The following XPR1 variants were observed in gnomAD, a reference collection of about 807,000 sequenced individuals.
XPR1 encodes the protein solute carrier family 53 member 1.
In XPR1, 28 loss-of-function variants were observed where a neutral mutation model predicts 87.5. That is an observed-to-expected ratio of 0.32 (90% CI 0.24 to 0.44). XPR1 has a LOEUF of 0.44. Among genes scored for constraint, XPR1 ranks in the 20% least tolerant of loss-of-function variants. XPR1 has a pLI of 1.00. For missense variants in XPR1, 559 were observed against 862.3 expected (o/e 0.65, Z 4.41); for synonymous variants, 300 against 306.1 (o/e 0.98, Z 0.21).
At chr1:180,686,553 G>A (rs1418427755) in intron 2 of XPR1, among the ~76,000 whole-genome samples, 2 of 152,082 alleles carry the variant, frequency 1.3e-5, no homozygotes, top group East Asian at 3.9e-4. Context: ...TTAGCTTTCT[G>A]TCTCGTTGAT....
At position 180,856,868 on chromosome 1, in the gene XPR1, C is replaced by A. The variant is rs74571655; in HGVS notation, c.1502-6840C>A. 3.7e-3 allele frequency among the ~76,000 whole-genome samples: 568 copies of A among 152,298 alleles called. 10 individuals carry two copies. Among genetic ancestry groups the A allele is most frequent in the Admixed American group, 0.024 (367 of 15,300 alleles). On this transcript the variant is annotated intron_variant, in intron 11 of 14. Coordinates refer to ENST00000367590, the MANE Select transcript of XPR1 (RefSeq NM_004736.4). ...CTCAAACTCATCTCCCCAAAGATAC[C>A]TAGAGCTGCACTGTTGCATAATTTA...
chr1:180,691,735 A>G (rs1656999403), intron 2 of XPR1, among the ~76,000 whole-genome samples: 2 of 152,246 alleles, frequency 1.3e-5, no homozygotes, highest in Admixed American at 1.3e-4. Context: ...TCTTAGTGAC[A>G]TTGAAGATGA....
chr1:180,743,546 A>ATT (rs1318311996), intron 2 of XPR1, among the ~76,000 whole-genome samples: 1 of 152,130 alleles, frequency 6.6e-6, no homozygotes, highest in Non-Finnish European at 1.5e-5. Context: ...AGAATAGTTC[A>ATT]TTATATATAT....
chr1:180,785,031 G>GTGTA (rs1649087319), intron 2 of XPR1, among the ~76,000 whole-genome samples: 1 of 150,792 alleles, frequency 6.6e-6, no homozygotes, highest in South Asian at 2.1e-4. Context: ...GTGTGTGTGT[G>GTGTA]TGTGTGTGTG....
Position 180,841,468 on chromosome 1 carries a change from G to C in XPR1, c.1501+4752G>C, listed in dbSNP as rs557286747. Among the ~76,000 whole-genome samples, 5 of 152,030 alleles carry C rather than the reference G, an allele frequency of 3.3e-5. No homozygotes were observed. The South Asian group carries it at 8.3e-4, about 25-fold the overall frequency. On this transcript the variant is annotated intron_variant, in intron 11 of 14. Coordinates refer to ENST00000367590, the MANE Select transcript of XPR1 (RefSeq NM_004736.4). ...GGTTTGTTTTAAGGAGTAAATAATA[G>C]AGTGCACATGAAATCCCCTTAGACT...
chr1:180,782,750 TC>T (rs1415081659), intron 2 of XPR1, among the ~76,000 whole-genome samples: 12 of 152,110 alleles, frequency 7.9e-5, no homozygotes, highest in Admixed American at 6.6e-4. Flanking sequence ...ACAGTTCACT[TC>T]ATAATACCCA....
intron 2 of XPR1, among the ~76,000 whole-genome samples, chr1:180,685,166 A>G (rs976467262): frequency 6.6e-6 from 1 of 152,064 alleles, no homozygotes; most frequent in African/African-American, 2.4e-5. Flanking sequence ...TCCCATCAAT[A>G]CCTAATTTAT....
intron 1 of XPR1, among the ~76,000 whole-genome samples, chr1:180,651,793 C>T (rs1557939031): frequency 2.0e-5 from 3 of 151,962 alleles, no homozygotes; most frequent in Non-Finnish European, 4.4e-5. Context: ...CATTGTAGAA[C>T]CTTTTGGTTC....
intron 2 of XPR1, among the ~76,000 whole-genome samples, chr1:180,719,532 A>G (rs1317749086): frequency 1.3e-5 from 2 of 152,206 alleles, no homozygotes; most frequent in African/African-American, 4.8e-5. Flanking sequence ...TTGTTCTTGC[A>G]GCAATTTAAA....
intron 2 of XPR1, among the ~76,000 whole-genome samples, chr1:180,749,935 A>G (rs1220190670): frequency 1.3e-5 from 2 of 152,208 alleles, no homozygotes; most frequent in Non-Finnish European, 2.9e-5. Context: ...GGTTGAGGGA[A>G]TATGGTTTTC....
At chr1:180,703,431 A>G (rs1287460832) in intron 2 of XPR1, among the ~76,000 whole-genome samples, 1 of 152,030 alleles carries the variant, frequency 6.6e-6, no homozygotes, top group Admixed American at 6.5e-5. Context: ...TTGGGTGGGT[A>G]TTTCCCAGTT....
intron 2 of XPR1, among the ~76,000 whole-genome samples, chr1:180,715,761 C>T (rs1657970908): frequency 6.6e-6 from 1 of 151,892 alleles, no homozygotes; most frequent in African/African-American, 2.4e-5. Context: ...ACTGCAACCT[C>T]TGCCTCCCGG....
At chr1:180,793,463 A>G (rs1477253551) in intron 3 of XPR1, among the ~76,000 whole-genome samples, 1 of 151,590 alleles carries the variant, frequency 6.6e-6, no homozygotes, top group Non-Finnish European at 1.5e-5. Flanking sequence ...TTAAACTATG[A>G]CTTAATGGCT....
In XPR1 at chr1:180,803,511, A is replaced by C; in HGVS notation, c.347A>C (p.His116Pro). The C allele has an allele frequency of 6.2e-7, 1 of 1,613,966 alleles. No individual in the cohort carries two copies. Among genetic ancestry groups the C allele is most frequent in the Non-Finnish European group, 8.5e-7 (1 of 1,179,988 alleles). Residue 116 changes from histidine to proline, a missense_variant, in exon 4 of 15, where the codon CAC becomes CCC. Coordinates refer to ENST00000367590, the MANE Select transcript of XPR1 (RefSeq NM_004736.4). ...CGACAACGCAGAAAGCCAGTCTTCC[A>C]CTTGTCCCATGAGGAACGTGTCCAA... ...TLRQRRKPVF[H>P]LSHEERVQHR...
intron 2 of XPR1, among the ~76,000 whole-genome samples, chr1:180,720,237 G>T (rs970479741): frequency 3.9e-5 from 6 of 152,132 alleles, no homozygotes; most frequent in African/African-American, 9.7e-5. Context: ...TTAAACCAAG[G>T]CAGAGTGCCT....
chr1:180,757,388 A>G (rs60653579), intron 2 of XPR1, among the ~76,000 whole-genome samples: 6,544 of 152,258 alleles, frequency 0.043, 506 homozygotes, highest in African/African-American at 0.15. Context: ...AAAAGATCTC[A>G]CAAATGAAGA....
At chr1:180,859,095 T>A (rs1466002691) in intron 11 of XPR1, among the ~76,000 whole-genome samples, 7 of 152,296 alleles carry the variant, frequency 4.6e-5, no homozygotes, top group Non-Finnish European at 8.8e-5. Context: ...GCCACATTTT[T>A]CATTTTTGAA....
At chr1:180,832,972 A>G (rs1165974732) in intron 9 of XPR1, among the ~76,000 whole-genome samples, 1 of 152,192 alleles carries the variant, frequency 6.6e-6, no homozygotes, top group Admixed American at 6.5e-5. Context: ...TTTTCACAAT[A>G]TTGATTCTTC....
At chr1:180,806,890 G>T (rs887462658) in intron 6 of XPR1, among the ~76,000 whole-genome samples, 1 of 149,126 alleles carries the variant, frequency 6.7e-6, no homozygotes, top group African/African-American at 2.5e-5. Context: ...CTCCAAAAAA[G>T]CATTTATTAA....
Sources: allele counts gnomAD v4.1 joint callset (sites outside exome capture counted in the v4.1 genomes callset), GRCh38; gene constraint gnomAD v4.1.1; transcripts MANE v1.5; gene names NCBI Gene and HGNC (gene_info 2026-07-23, HGNC 2026-07-21).